Variants in MARCHF1 observed in about 807,000 individuals in gnomAD.
MARCHF1 encodes the protein membrane associated ring-CH-type finger 1.
A neutral mutation model predicts 54.2 loss-of-function variants in MARCHF1; 40 were observed. That is an observed-to-expected ratio of 0.74 (90% CI 0.57 to 0.96). The LOEUF (loss-of-function observed/expected upper bound fraction) is 0.96. MARCHF1 is among the 40% of genes least tolerant of loss of function. The probability of loss-of-function intolerance (pLI) is 0.00; values close to 1 mark genes in which losing one functional copy is unlikely to be tolerated. For synonymous variants in MARCHF1, 236 were observed against 236.3 expected (o/e 1.00, Z 0.01); for missense variants, 586 against 656.5 (o/e 0.89, Z 1.17).
chr4:164,063,296 C>A (rs766409419), intron 2 of MARCHF1, among the ~76,000 whole-genome samples: 2 of 152,180 alleles, frequency 1.3e-5, no homozygotes, highest in Non-Finnish European at 2.9e-5. Flanking sequence ...TCTTAAATGG[C>A]ATCTTCTTCC....
chr4:164,217,903 C>T (rs1271810981), intron 1 of MARCHF1, among the ~76,000 whole-genome samples: 2 of 151,756 alleles, frequency 1.3e-5, no homozygotes, highest in African/African-American at 4.8e-5. Context: ...ATTATTATAA[C>T]AAAAAGAGAG....
intron 5 of MARCHF1, among the ~76,000 whole-genome samples, chr4:163,666,280 T>A (rs1037569158): frequency 6.6e-6 from 1 of 152,128 alleles, no homozygotes; most frequent in East Asian, 1.9e-4. Flanking sequence ...TATAATAATA[T>A]ATATTTTTTC....
chr4:163,778,292 T>C (rs942084515), intron 4 of MARCHF1, among the ~76,000 whole-genome samples: 6 of 152,176 alleles, frequency 3.9e-5, no homozygotes, highest in East Asian at 1.9e-4. Context: ...AGGAGACAAA[T>C]TGGTGCATTA....
At chr4:163,929,343 C>T (rs900755721) in intron 3 of MARCHF1, among the ~76,000 whole-genome samples, 2 of 151,968 alleles carry the variant, frequency 1.3e-5, no homozygotes, top group Non-Finnish European at 2.9e-5. Context: ...ATAGGCAAAG[C>T]ACTTAAAGCA....
chr4:164,365,620 G>A (rs1454193214), intron 1 of MARCHF1, among the ~76,000 whole-genome samples: 3 of 151,864 alleles, frequency 2.0e-5, no homozygotes, highest in Non-Finnish European at 4.4e-5. Context: ...ATTTAATATA[G>A]CAATCTCATT....
chr4:163,643,327 C>CAAAAATAAAAATAAAAAT lies in MARCHF1; in HGVS notation c.163-29952_163-29935dup, dbSNP rs58924723. ...TGAGTGACAGAGTGAGACCCTGTCT[C>CAAAAATAAAAATAAAAAT]AAAAATAAAAATAAAAATAAAAATA... is the stretch of plus-strand genomic sequence containing the variant. On this transcript the variant is annotated intron_variant, in intron 5 of 9. Transcript: ENST00000514618. Among the ~76,000 whole-genome samples the CAAAAATAAAAATAAAAAT allele has an allele frequency of 5.5e-3, 753 of 138,090 alleles. 5 individuals carry two copies. Among genetic ancestry groups the CAAAAATAAAAATAAAAAT allele is most frequent in the Middle Eastern group, 0.011 (3 of 284 alleles). The allele number at this position is 138,090 out of a possible 152,430, so 90.6% of individuals were successfully genotyped here.
At chr4:163,598,400 G>T (rs1196483481) in intron 7 of MARCHF1, among the ~76,000 whole-genome samples, 1 of 152,194 alleles carries the variant, frequency 6.6e-6, no homozygotes, top group Non-Finnish European at 1.5e-5. Flanking sequence ...CTTAATGACA[G>T]GGATACGTTC....
intron 2 of MARCHF1, among the ~76,000 whole-genome samples, chr4:164,037,196 AG>A (rs940705238): frequency 5.9e-5 from 9 of 152,286 alleles, no homozygotes; most frequent in African/African-American, 2.2e-4. Flanking sequence ...AGAGATGCTC[AG>A]TAGGCTGTTG....
intron 1 of MARCHF1, among the ~76,000 whole-genome samples, chr4:164,319,065 T>C (rs1176272780): frequency 6.6e-6 from 1 of 152,192 alleles, no homozygotes; most frequent in African/African-American, 2.4e-5. Context: ...GTTGGCTCTC[T>C]GTATCCATGA....
intron 8 of MARCHF1, among the ~76,000 whole-genome samples, chr4:163,574,662 C>G (rs1365712483): frequency 6.6e-6 from 1 of 151,362 alleles, no homozygotes; most frequent in Non-Finnish European, 1.5e-5. Flanking sequence ...CTGTTCTGTT[C>G]CATTGATCTA....
chr4:163,864,046 TGGA>T (rs1490725289), intron 3 of MARCHF1, among the ~76,000 whole-genome samples: 1 of 151,944 alleles, frequency 6.6e-6, no homozygotes, highest in Non-Finnish European at 1.5e-5. Context: ...AAGAAATAAA[TGGA>T]GGAGAAAGAC....
chr4:164,258,412 A>AATAATAATAATAATAATG (rs1360435366), intron 1 of MARCHF1, among the ~76,000 whole-genome samples: 13 of 150,868 alleles, frequency 8.6e-5, no homozygotes, highest in African/African-American at 2.9e-4. Context: ...TAATAATAAT[A>AATAATAATAATAATAATG]ATAATAAAGG....
At chr4:164,347,769 T>C (rs1166524387) in intron 1 of MARCHF1, among the ~76,000 whole-genome samples, 1 of 152,146 alleles carries the variant, frequency 6.6e-6, no homozygotes, top group Non-Finnish European at 1.5e-5. Context: ...TGGACATTAA[T>C]TTAGGGATTG....
intron 9 of MARCHF1, among the ~76,000 whole-genome samples, chr4:163,534,406 A>AATAAT (rs1434248967): frequency 1.3e-5 from 2 of 151,828 alleles, no homozygotes; most frequent in African/African-American, 2.4e-5. Flanking sequence ...TATTAATGTT[A>AATAAT]ACTAATTAAA....
intron 4 of MARCHF1, among the ~76,000 whole-genome samples, chr4:163,830,855 G>T (rs1749001321): frequency 6.6e-6 from 1 of 152,008 alleles, no homozygotes; most frequent in Non-Finnish European, 1.5e-5. Context: ...TTGAAATGAA[G>T]AATTCTTTCT....
intron 1 of MARCHF1, among the ~76,000 whole-genome samples, chr4:164,339,716 A>G (rs1729859032): frequency 6.6e-6 from 1 of 152,158 alleles, no homozygotes; most frequent in Admixed American, 6.5e-5. Context: ...AGGAAATAGC[A>G]CAGATCAGAA....
At chr4:163,618,116 C>T (rs751401440) in intron 5 of MARCHF1, among the ~76,000 whole-genome samples, 10 of 152,054 alleles carry the variant, frequency 6.6e-5, no homozygotes, top group African/African-American at 1.4e-4. Context: ...TCCTTGTTGC[C>T]GAAGAATATT....
rs1579394261 is a variant in MARCHF1 at position 163,922,237 on chromosome 4, T to C, written c.-39+66264A>G. On this transcript the variant is annotated intron_variant, in intron 3 of 9. Coordinates refer to ENST00000514618, the MANE Select transcript of MARCHF1 (RefSeq NM_001394959.1). ...GTGGGGTGGGGGGAGTGGGGAGGGA[T>C]AGCATTGGGAGATATACCTAATGTT... is the stretch of plus-strand genomic sequence containing the variant. Among the ~76,000 whole-genome samples, 3 of 151,646 alleles carry C rather than the reference T, an allele frequency of 2.0e-5. No individual in the cohort carries two copies. In the East Asian group the frequency reaches 5.9e-4, roughly 30 times the overall value.
intron 1 of MARCHF1, among the ~76,000 whole-genome samples, chr4:164,339,557 G>T (rs1729854400): frequency 6.6e-6 from 1 of 152,042 alleles, no homozygotes; most frequent in South Asian, 2.1e-4. Context: ...AAACTTATGA[G>T]ATACAGCAAA....
Sources: allele counts gnomAD v4.1 joint callset (sites outside exome capture counted in the v4.1 genomes callset), GRCh38; gene constraint gnomAD v4.1.1; transcripts MANE v1.5; gene names NCBI Gene and HGNC (gene_info 2026-07-23, HGNC 2026-07-21).